ASXL3: variants seen among roughly 807,000 people sequenced by gnomAD.
ASXL3 encodes ASXL transcriptional regulator 3.
Under a neutral mutation model 170.6 loss-of-function variants are expected in ASXL3, and 34 were observed. The ratio of observed to expected loss-of-function variants is 0.20; its 90% CI spans 0.15 to 0.27. The LOEUF (loss-of-function observed/expected upper bound fraction) is 0.27. ASXL3 is among the 10% of genes least tolerant of loss of function. The pLI is 1.00. For missense variants in ASXL3, 2,592 were observed against 2,695.3 expected, an observed-to-expected ratio of 0.96 and a Z score of 0.85; for synonymous variants, 1,002 against 989.1, an observed-to-expected ratio of 1.01 and a Z score of -0.24.
chr18:33,726,480 A>G (rs2067352863), intron 8 of ASXL3, among the ~76,000 whole-genome samples: 1 of 152,192 alleles, frequency 6.6e-6, no homozygotes, highest in South Asian at 2.1e-4. Context: ...GAGATGTGCT[A>G]TTAAAAAGAT....
chr18:33,663,620 C>T (rs2066212767), intron 5 of ASXL3, among the ~76,000 whole-genome samples: 1 of 152,020 alleles, frequency 6.6e-6, no homozygotes. Context: ...GTTATTAATT[C>T]ATTTCTTAAA....
intron 4 of ASXL3, among the ~76,000 whole-genome samples, chr18:33,659,527 G>A (rs1011757293): frequency 2.0e-5 from 3 of 151,970 alleles, no homozygotes; most frequent in Admixed American, 1.3e-4. Flanking sequence ...TTTATCTGCC[G>A]TCTCTCTGTC....
chr18:33,670,184 G>A (rs2066317577), intron 5 of ASXL3, among the ~76,000 whole-genome samples: 2 of 152,170 alleles, frequency 1.3e-5, no homozygotes, highest in African/African-American at 4.8e-5. Context: ...GCTCCCCATG[G>A]CTGAGTGAGT....
At chr18:33,599,348 G>T (rs2065160383) in intron 1 of ASXL3, among the ~76,000 whole-genome samples, 1 of 152,142 alleles carries the variant, frequency 6.6e-6, no homozygotes, top group African/African-American at 2.4e-5. Flanking sequence ...AAACTGGGTG[G>T]TAGTATAATT....
chr18:33,734,943 G>GCAAA (rs1170673765), intron 10 of ASXL3, among the ~76,000 whole-genome samples: 1 of 152,006 alleles, frequency 6.6e-6, no homozygotes, highest in Non-Finnish European at 1.5e-5. Flanking sequence ...AGTGACATGA[G>GCAAA]CGTTTACATC....
chr18:33,729,346 ACT>A (rs1207259618), intron 8 of ASXL3, among the ~76,000 whole-genome samples: 2 of 151,960 alleles, frequency 1.3e-5, no homozygotes, highest in Non-Finnish European at 2.9e-5. Context: ...CCAGAGACAA[ACT>A]CTGCATCTCC....
intron 1 of ASXL3, among the ~76,000 whole-genome samples, chr18:33,598,176 T>C (rs1193021140): frequency 2.0e-5 from 3 of 152,212 alleles, no homozygotes; most frequent in African/African-American, 7.2e-5. Flanking sequence ...AGAGTTGTTA[T>C]ATATCTATCT....
intron 1 of ASXL3, among the ~76,000 whole-genome samples, chr18:33,594,108 G>A (rs764374308): frequency 1.6e-4 from 24 of 152,186 alleles, no homozygotes; most frequent in Non-Finnish European, 2.8e-4. Flanking sequence ...TTGAGAAGAC[G>A]GATTCCTTGT....
At chr18:33,627,352 G>C (rs554397669) in intron 2 of ASXL3, among the ~76,000 whole-genome samples, 2 of 152,208 alleles carry the variant, frequency 1.3e-5, no homozygotes, top group East Asian at 3.9e-4. Flanking sequence ...AAATTTGAGA[G>C]GCTCTGGTGT....
chr18:33,678,739 G>A (rs1389003595), intron 7 of ASXL3, among the ~76,000 whole-genome samples: 1 of 152,064 alleles, frequency 6.6e-6, no homozygotes, highest in East Asian at 1.9e-4. Context: ...GAGATATGAG[G>A]TACCAACTTT....
At chr18:33,699,573 A>G (rs766342777) in intron 8 of ASXL3, among the ~76,000 whole-genome samples, 22 of 152,090 alleles carry the variant, frequency 1.4e-4, no homozygotes, top group Admixed American at 9.2e-4. Context: ...GACAGACACA[A>G]TTTTAGTAGC....
At chr18:33,628,563 A>C (rs1218110966) in intron 2 of ASXL3, among the ~76,000 whole-genome samples, 1 of 152,048 alleles carries the variant, frequency 6.6e-6, no homozygotes, top group East Asian at 1.9e-4. Context: ...ATTTCTTCAC[A>C]CTCTATGCTG....
rs116394120 is a variant in ASXL3 at position 33,646,473 on chromosome 18, C to T, written c.355+120C>T. 605 of 637,328 alleles carry T rather than the reference C, an allele frequency of 9.5e-4. 3 individuals carry two copies. Among genetic ancestry groups the T allele is most frequent in the African/African-American group, 9.5e-3 (507 of 53,596 alleles). 39.5% of individuals were successfully genotyped at this position (637,328 alleles called of 1,614,324 possible). A position where few individuals can be genotyped will look rare whatever the true frequency, so the allele number is the denominator to read the frequency against. On this transcript the variant is annotated intron_variant, in intron 4 of 11. Coordinates refer to ENST00000269197, the MANE Select transcript of ASXL3 (RefSeq NM_030632.3). ...ATACAGTTTTCTTCTAAATTTTTAC[C>T]GCTGAGATTTATCATCAAGGTGTTT...
chr18:33,625,523 TC>T (rs1306028227), intron 2 of ASXL3, among the ~76,000 whole-genome samples: 1 of 152,186 alleles, frequency 6.6e-6, no homozygotes, highest in Non-Finnish European at 1.5e-5. Flanking sequence ...GTGAGTCAAT[TC>T]TTTGCATTAT....
At chr18:33,623,618 C>T (rs2065552404) in intron 2 of ASXL3, among the ~76,000 whole-genome samples, 1 of 152,196 alleles carries the variant, frequency 6.6e-6, no homozygotes, top group Non-Finnish European at 1.5e-5. Context: ...GAAAGATAAT[C>T]AAGATAGAAT....
chr18:33,599,742 T>G (rs1413652951), intron 1 of ASXL3, among the ~76,000 whole-genome samples: 1 of 152,184 alleles, frequency 6.6e-6, no homozygotes, highest in African/African-American at 2.4e-5. Flanking sequence ...AATAATCAGC[T>G]ATTTGGCACT....
intron 8 of ASXL3, among the ~76,000 whole-genome samples, chr18:33,721,215 C>T (rs1228650955): frequency 6.6e-6 from 1 of 151,998 alleles, no homozygotes; most frequent in Non-Finnish European, 1.5e-5. Flanking sequence ...TTGATTATAT[C>T]CTCTGCTGAT....
intron 8 of ASXL3, among the ~76,000 whole-genome samples, chr18:33,691,721 A>G (rs1183013466): frequency 6.6e-6 from 1 of 152,182 alleles, no homozygotes; most frequent in East Asian, 1.9e-4. Flanking sequence ...ATGGGAACAT[A>G]GAGGAGATAA....
intron 4 of ASXL3, among the ~76,000 whole-genome samples, chr18:33,654,485 G>A (rs934178644): frequency 7.2e-5 from 11 of 152,030 alleles, no homozygotes; most frequent in Admixed American, 2.6e-4. Flanking sequence ...CCCCTTTATC[G>A]GAGTTTATAG....
Sources: allele counts gnomAD v4.1 joint callset (sites outside exome capture counted in the v4.1 genomes callset), GRCh38; gene constraint gnomAD v4.1.1; transcripts MANE v1.5; gene names NCBI Gene and HGNC (gene_info 2026-07-23, HGNC 2026-07-21).